The following VGLL4 variants were observed in gnomAD, a reference collection of about 807,000 sequenced individuals.
The protein encoded by VGLL4 is vestigial like family member 4, also known as transcription cofactor vestigial-like protein 4.
A neutral mutation model predicts 21.0 loss-of-function variants in VGLL4; 7 were observed. The observed-to-expected ratio is 0.33, with a 90% CI of 0.19 to 0.63. The LOEUF is 0.63. Ranked by LOEUF, VGLL4 falls within the 20% of genes least tolerant of loss-of-function variation. The probability of loss-of-function intolerance (pLI) is 0.78; values close to 1 mark genes in which losing one functional copy is unlikely to be tolerated. For synonymous variants in VGLL4, 222 were observed against 173.2 expected (o/e 1.28, Z -2.21); for missense variants, 394 against 425.7 (o/e 0.93, Z 0.66).
intron 1 of VGLL4, among the ~76,000 whole-genome samples, chr3:11,642,969 G>C (rs2075725108): frequency 6.6e-6 from 1 of 152,070 alleles, no homozygotes; most frequent in African/African-American, 2.4e-5. Context: ...ACGCTCACTC[G>C]CGAGCACAAA....
chr3:11,675,408 G>A (rs904519109), intron 2 of VGLL4, among the ~76,000 whole-genome samples: 2 of 152,042 alleles, frequency 1.3e-5, no homozygotes, highest in African/African-American at 2.4e-5. Context: ...TGAACTATGC[G>A]TGATGTGCTT....
chr3:11,663,519 A>G (rs573634668), intron 2 of VGLL4, among the ~76,000 whole-genome samples: 28 of 152,172 alleles, frequency 1.8e-4, no homozygotes, highest in South Asian at 6.2e-4. Flanking sequence ...AGGAGTTTGA[A>G]CCAGCCTGGC....
Position 11,702,952 on chromosome 3 carries a change from T to A in VGLL4, c.64+19A>T, listed in dbSNP as rs565225252. 3 of 1,606,694 alleles carry A rather than the reference T, an allele frequency of 1.9e-6. No individual in the cohort carries two copies. In the African/African-American group the frequency reaches 4.0e-5, roughly 21 times the overall value. On this transcript the variant is annotated intron_variant, in intron 2 of 5. Transcript: ENST00000273038. Reference sequence around the variant, plus strand: ...TCATTAAAGCACTTAAGCTATTTTATAATAGACTCCTCACTTACGTTTTTC... The same window carrying A: ...TCATTAAAGCACTTAAGCTATTTTAAAATAGACTCCTCACTTACGTTTTTC...
chr3:11,620,026 G>GA (rs964703756), intron 1 of VGLL4, among the ~76,000 whole-genome samples: 2 of 140,458 alleles, frequency 1.4e-5, no homozygotes, highest in African/African-American at 2.6e-5. Flanking sequence ...AAAGAGCAGA[G>GA]AAAAAGAGGA....
chr3:11,655,968 G>C (rs1442242825), intron 2 of VGLL4, among the ~76,000 whole-genome samples: 1 of 152,216 alleles, frequency 6.6e-6, no homozygotes, highest in East Asian at 1.9e-4. Flanking sequence ...AATGGGAAGG[G>C]AGAGCTCCAG....
At chr3:11,558,892 A>G (rs2072691813) in intron 4 of VGLL4, 65 bp from the exon 5 acceptor site, 3 of 1,570,026 alleles carry the variant, frequency 1.9e-6, no homozygotes, top group Admixed American at 3.4e-5. Context: ...GCACGGTTGC[A>G]GCACCCTCCC....
chr3:11,672,750 C>G (rs935707206), intron 2 of VGLL4, among the ~76,000 whole-genome samples: 1 of 152,152 alleles, frequency 6.6e-6, no homozygotes, highest in Non-Finnish European at 1.5e-5. Context: ...TATAATGCTA[C>G]GGAAAAGATT....
At chr3:11,670,161 G>A (rs1473931309) in intron 2 of VGLL4, among the ~76,000 whole-genome samples, 3 of 150,102 alleles carry the variant, frequency 2.0e-5, no homozygotes, top group Non-Finnish European at 3.0e-5. Flanking sequence ...ATGGGCTACC[G>A]TAAGTCTTCC....
At chr3:11,563,533 G>A (rs554437568) in intron 3 of VGLL4, among the ~76,000 whole-genome samples, 2 of 152,322 alleles carry the variant, frequency 1.3e-5, no homozygotes, top group South Asian at 2.1e-4. Context: ...CCGTGACAGT[G>A]TCCACACACA....
intron 2 of VGLL4, among the ~76,000 whole-genome samples, chr3:11,589,738 C>T (rs916189426): frequency 1.3e-5 from 2 of 152,166 alleles, no homozygotes; most frequent in African/African-American, 4.8e-5. Flanking sequence ...CTGGTGAGGG[C>T]GCTTTTCCCG....
At chr3:11,684,554 T>A (rs1263619543) in intron 2 of VGLL4, among the ~76,000 whole-genome samples, 2 of 152,078 alleles carry the variant, frequency 1.3e-5, no homozygotes, top group African/African-American at 4.8e-5. Context: ...CTAATTTTTT[T>A]ATTTTTTGCA....
At chr3:11,611,971 T>C (rs899163139) in intron 1 of VGLL4, 1 of 152,110 alleles carries the variant, frequency 6.6e-6, no homozygotes, top group Non-Finnish European at 1.5e-5. Flanking sequence ...CTGATGATAC[T>C]GGTGCAGGAG....
chr3:11,710,823 G>C (rs1342547910), intron 1 of VGLL4, among the ~76,000 whole-genome samples: 2 of 152,170 alleles, frequency 1.3e-5, no homozygotes, highest in Non-Finnish European at 2.9e-5. Flanking sequence ...GATGTGGCTG[G>C]GCACCGTGGC....
chr3:11,646,831 C>T (rs1018596096), upstream of VGLL4, among the ~76,000 whole-genome samples: 3 of 152,090 alleles, frequency 2.0e-5, no homozygotes, highest in African/African-American at 7.2e-5. Context: ...CCCGCTGATC[C>T]GGGAGGCTAG....
At position 11,559,404 on chromosome 3, in the gene VGLL4, G is replaced by T; in HGVS notation, c.547C>A (p.Leu183Ile). The T allele has an allele frequency of 1.3e-6, 2 of 1,562,904 alleles. No individual in the cohort carries two copies. Among genetic ancestry groups the T allele is most frequent in the East Asian group, 2.4e-5 (1 of 42,102 alleles). Residue 183 changes from leucine to isoleucine, a missense_variant, in exon 4 of 5, where the codon CTC becomes ATC. Transcript: ENST00000430365. ...CASAGARNCN[L>I]SHCPIAHSGC... Reference sequence around the variant, plus strand: ...CTGTGCGCGATGGGGCAGTGCGAGAGGTTGCAGTTGCGGGCGCCAGCCGAG... The same window carrying T: ...CTGTGCGCGATGGGGCAGTGCGAGATGTTGCAGTTGCGGGCGCCAGCCGAG...
intron 1 of VGLL4, among the ~76,000 whole-genome samples, chr3:11,607,921 G>A (rs1337263794): frequency 6.6e-6 from 1 of 152,170 alleles, no homozygotes; most frequent in Non-Finnish European, 1.5e-5. Context: ...TTTAATCAGT[G>A]TGTCGAGTGC....
At chr3:11,713,372 G>T (rs1214349976) in intron 1 of VGLL4, among the ~76,000 whole-genome samples, 2 of 151,846 alleles carry the variant, frequency 1.3e-5, no homozygotes, top group Non-Finnish European at 2.9e-5. Context: ...TCCCAAGCAG[G>T]TATAACTGAC....
At chr3:11,625,460 C>A (rs1376625406) in intron 1 of VGLL4, among the ~76,000 whole-genome samples, 1 of 152,192 alleles carries the variant, frequency 6.6e-6, no homozygotes, top group Non-Finnish European at 1.5e-5. Flanking sequence ...TCTATAGCTC[C>A]ATCTGAAATT....
intron 2 of VGLL4, among the ~76,000 whole-genome samples, chr3:11,583,891 G>A (rs1214251686): frequency 6.6e-6 from 1 of 152,210 alleles, no homozygotes; most frequent in Non-Finnish European, 1.5e-5. Flanking sequence ...AGAGGTTTGG[G>A]GGGATGGACT....
Sources: gnomAD v4.1 joint callset for allele counts (sites outside exome capture counted in the v4.1 genomes callset) on GRCh38, gnomAD v4.1.1 for gene constraint, MANE v1.5 for transcripts, NCBI Gene and HGNC (gene_info 2026-07-23, HGNC 2026-07-21) for gene names.